SETD2: variants seen among roughly 807,000 people sequenced by gnomAD.
SETD2 encodes SET domain containing 2, histone lysine methyltransferase.
SETD2 carries 31 observed loss-of-function variants against 242.1 expected under a neutral mutation model. That is an observed-to-expected ratio of 0.13 (90% confidence interval 0.10 to 0.17). The LOEUF (loss-of-function observed/expected upper bound fraction) is 0.17. Ranked by LOEUF, SETD2 falls within the 10% of genes least tolerant of loss-of-function variation. SETD2 has a pLI of 1.00. For missense variants in SETD2, 2,481 were observed against 3,046.3 expected, an observed-to-expected ratio of 0.81 and a Z score of 4.37; for synonymous variants, 1,006 against 1,066.5, an observed-to-expected ratio of 0.94 and a Z score of 1.11.
At chr3:47,156,114 T>C (rs915731328) in intron 1 of SETD2, among the ~76,000 whole-genome samples, 1 of 152,146 alleles carries the variant, frequency 6.6e-6, no homozygotes, top group African/African-American at 2.4e-5. Flanking sequence ...GTAATAGATT[T>C]ATGGACAGAG....
rs748920060 is a variant in SETD2, at chr3:47,121,763, C to T, written c.2873G>A (p.Cys958Tyr). 2 of 1,614,152 alleles carry T rather than the reference C, an allele frequency of 1.2e-6. No individual in the cohort carries two copies. The highest frequency in any genetic ancestry group is 2.2e-5 in the South Asian group (2 of 91,084). The change falls in exon 3 of 21, where the codon TGT (cysteine) becomes TAT (tyrosine). Residue 958 changes from cysteine to tyrosine, a missense_variant. Around this residue, in one of 17 missense-constraint regions of SETD2, gnomAD observed 1,300 missense variants for 1,259.2 expected, o/e 1.03. Transcript: ENST00000409792. ...CCCTTCTTCTTGAGCCTCTTGCAAA[C>T]ATTTCCCAGATAACCCATTATTACG... is the stretch of plus-strand genomic sequence containing the variant. The part of the protein sequence containing the change: ...NRRNNGLSGK[C>Y]LQEAQEEGNS...
At chr3:47,153,544 G>C (rs996740270) in intron 1 of SETD2, among the ~76,000 whole-genome samples, 2 of 152,156 alleles carry the variant, frequency 1.3e-5, no homozygotes, top group African/African-American at 4.8e-5. Flanking sequence ...GAAGCCAGGA[G>C]TTTGAGACCA....
chr3:47,122,652 G>C lies in SETD2; in HGVS notation c.1984C>G (p.Gln662Glu), dbSNP rs2106683989. ...LDSLSKVKND[Q>E]LRSFCPIELN... is the part of the protein sequence containing the mutation. ...TCTATGGGACAAAAACTTCTTAATT[G>C]ATCATTCTTCACTTTAGATAAAGAG... The change falls in exon 3 of 21, where the codon CAA becomes GAA. Residue 662 changes from glutamine to glutamate, a missense_variant. Physicochemically the swap from Gln to Glu is conservative, Grantham distance 29. Transcript: ENST00000409792. The C allele has an allele frequency of 2.5e-6, 4 of 1,613,200 alleles. No homozygotes were observed. In the South Asian group the frequency reaches 4.4e-5, roughly 18 times the overall value.
At chr3:47,094,011 T>C (rs1336817004) in intron 9 of SETD2, among the ~76,000 whole-genome samples, 1 of 152,214 alleles carries the variant, frequency 6.6e-6, no homozygotes, top group African/African-American at 2.4e-5. Context: ...ATTAATAGGA[T>C]ACTAGTTACA....
intron 15 of SETD2, 63 bp downstream of exon 15, chr3:47,056,758 G>T: frequency 2.2e-6 from 3 of 1,364,376 alleles, no homozygotes; most frequent in South Asian, 1.3e-5. Context: ...CCCTATACCA[G>T]ATTTAACTAA....
chr3:47,122,121 T>C lies in SETD2; in HGVS notation c.2515A>G (p.Arg839Gly), dbSNP rs1441287639. 1 of 1,613,864 alleles carries C rather than the reference T, an allele frequency of 6.2e-7. No homozygotes were observed. The highest frequency in any genetic ancestry group is 2.2e-5 in the East Asian group (1 of 44,884). ...LESKPVICDS[R>G]NLTDHSKFAC... is the part of the protein sequence containing the mutation. ...AATTTTGAGTGATCTGTCAAATTTC[T>C]ACTATCACATATAACTGGTTTTGAT... is the stretch of plus-strand genomic sequence containing the variant. Residue 839 changes from arginine to glycine, a missense_variant, in exon 3 of 21, where the codon AGA becomes GGA. Physicochemically the swap from Arg to Gly is moderately radical, Grantham distance 125. This residue lies in a region of SETD2 where 1,300 missense variants were observed against 1,259.2 expected (regional missense o/e 1.03). Transcript: ENST00000409792.
intron 5 of SETD2, among the ~76,000 whole-genome samples, chr3:47,106,754 G>C (rs1433803323): frequency 6.7e-6 from 1 of 150,116 alleles, no homozygotes; most frequent in African/African-American, 2.4e-5. Flanking sequence ...AGAAGTTGCA[G>C]TGAGCCGAGA....
chr3:47,135,986 C>T (rs2043581902), intron 1 of SETD2, among the ~76,000 whole-genome samples: 1 of 152,120 alleles, frequency 6.6e-6, no homozygotes, highest in Non-Finnish European at 1.5e-5. Context: ...TCCTCCTCCC[C>T]TCACTGCTAC....
chr3:47,145,060 G>A (rs1025741730), intron 1 of SETD2, among the ~76,000 whole-genome samples: 9 of 152,108 alleles, frequency 5.9e-5, no homozygotes, highest in South Asian at 2.1e-4. Context: ...GTTAAAGTAC[G>A]CAGCTGGTTT....
chr3:47,027,939 C>A lies in SETD2; in HGVS notation c.7351-8099G>T, dbSNP rs187974051. Reference sequence around the variant, plus strand: ...CCCGAGTAGCTAGGACTACAGGCGCCCCCCCGCACACCTGACTAATTTTTT... The same window carrying A: ...CCCGAGTAGCTAGGACTACAGGCGCACCCCCGCACACCTGACTAATTTTTT... On this transcript the variant is annotated intron_variant, in intron 18 of 20. Transcript: ENST00000409792. 7.3e-4 allele frequency among the ~76,000 whole-genome samples: 111 copies of A among 151,904 alleles called. 1 individual carries two copies. The East Asian group carries it at 0.021, about 28-fold the overall frequency.
chr3:47,040,037 C>T lies in SETD2; in HGVS notation c.7239-2260G>A, dbSNP rs1259579546. Among the ~76,000 whole-genome samples, 3 of 151,882 alleles carry T rather than the reference C, an allele frequency of 2.0e-5. No individual in the cohort carries two copies. In the South Asian group the frequency reaches 6.3e-4, roughly 32 times the overall value. On this transcript the variant is annotated intron_variant, in intron 17 of 20. Transcript: ENST00000409792. ...TGTCACCCAGGCTGGAGTGCAGTAG[C>T]GCGATCTCAGCTAACTGCAACCTCT...
At position 47,062,239 on chromosome 3, in the gene SETD2, CT is replaced by C. The variant is rs2040364907; in HGVS notation, c.6216del (p.Glu2073ArgfsTer74). 6.2e-7 allele frequency: 1 copy of C among 1,613,954 alleles called. No individual in the cohort carries two copies. The highest frequency in any genetic ancestry group is 1.7e-5 in the Admixed American group (1 of 59,988). On this transcript the variant is annotated frameshift_variant, in exon 14 of 21. Coordinates refer to ENST00000409792, the MANE Select transcript of SETD2 (RefSeq NM_014159.7). LOFTEE classifies it high-confidence loss of function. ...ERDPDKQTQNKEKRKRRSSLS... is the reference protein window; with the variant it reads ...ERDPDKQTQNXEKRKRRSSLS... ...AGGGAGCTTCTTCGTTTCCTTTTCT[CT>C]TTATTTTGAGTTTGCTTGTCTGGGT...
At chr3:47,049,914 T>TTATAG (rs57707151) in intron 15 of SETD2, among the ~76,000 whole-genome samples, 2 of 18,510 alleles carry the variant, frequency 1.1e-4, no homozygotes, top group Middle Eastern at 0.019. Flanking sequence ...TATTCTGAAT[T>TTATAG]TATATATTAT....
chr3:47,029,342 G>GA (rs2038657058), intron 18 of SETD2, among the ~76,000 whole-genome samples: 1 of 151,706 alleles, frequency 6.6e-6, no homozygotes, highest in Non-Finnish European at 1.5e-5. Flanking sequence ...ATACAGGTGT[G>GA]AGCCACTGCG....
At chr3:47,027,199 G>A (rs190489534) in intron 18 of SETD2, among the ~76,000 whole-genome samples, 33 of 152,002 alleles carry the variant, frequency 2.2e-4, no homozygotes, top group African/African-American at 5.1e-4. Context: ...TTAGCCATGC[G>A]TGGTGGCGGG....
chr3:47,045,368 A>T (rs1252617660), intron 16 of SETD2, among the ~76,000 whole-genome samples: 1 of 151,540 alleles, frequency 6.6e-6, no homozygotes, highest in African/African-American at 2.4e-5. Flanking sequence ...AAATACAAAA[A>T]TTAGCCAGGC....
rs2106663280 is a variant in SETD2 at position 47,121,884 on chromosome 3, A to C, written c.2752T>G (p.Ser918Ala). 6.2e-7 allele frequency: 1 copy of C among 1,614,008 alleles called. No homozygotes were observed. Among genetic ancestry groups the C allele is most frequent in the South Asian group, 1.1e-5 (1 of 91,074 alleles). ...TTCCCTGCATGCTTTAAAAACTCTG[A>C]ACTTTTTTTACTCTTTAGCACTGCA... Reference protein sequence around the residue: ...LDAVLKSKKSSEFLKHAGKET... With the variant: ...LDAVLKSKKSAEFLKHAGKET... The change falls in exon 3 of 21, where the codon TCA becomes GCA. Residue 918 changes from serine (S) to alanine (A), a missense_variant. Coordinates refer to ENST00000409792, the MANE Select transcript of SETD2 (RefSeq NM_014159.7).
intron 1 of SETD2, among the ~76,000 whole-genome samples, chr3:47,133,326 T>C (rs1361219823): frequency 1.3e-5 from 2 of 152,190 alleles, no homozygotes; most frequent in African/African-American, 4.8e-5. Context: ...AGTGCTGGGA[T>C]TACAGGCATG....
At position 47,017,587 on chromosome 3, in the gene SETD2, A is replaced by T. The variant is rs2107487114; in HGVS notation, c.7533+51T>A. 7.8e-7 allele frequency: 1 copy of T among 1,280,970 alleles called. No homozygotes were observed. Among genetic ancestry groups the T allele is most frequent in the Non-Finnish European group, 1.1e-6 (1 of 876,642 alleles). The allele number at this position is 1,280,970 out of a possible 1,614,324, so 79.4% of individuals were successfully genotyped here. On this transcript the variant is annotated intron_variant, in intron 20 of 20. Transcript: ENST00000409792. This position sits in a 1 kb window ranked among gnomAD's most constrained non-coding sequence, Gnocchi z 4.8. ...ATGAAAAGGGCTTCTTAGAAGGTAC[A>T]CAGTTTGCCCAGAACATTGCCTGGT...
Sources: allele counts gnomAD v4.1 joint callset (sites outside exome capture counted in the v4.1 genomes callset), GRCh38; gene constraint gnomAD v4.1.1; regional missense constraint gnomAD v4.1.1; non-coding constraint Gnocchi (gnomAD v3.1); transcripts MANE v1.5; gene names NCBI Gene and HGNC (gene_info 2026-07-23, HGNC 2026-07-21).